Variants in PIGK observed in about 807,000 individuals in gnomAD.
PIGK encodes phosphatidylinositol glycan anchor biosynthesis class K, also known as GPI-anchor transamidase.
In PIGK, 42 loss-of-function variants were observed where a neutral mutation model predicts 50.6. The ratio of observed to expected loss-of-function variants is 0.83; its 90% CI spans 0.65 to 1.07. The LOEUF is 1.07. Among genes scored for constraint, PIGK ranks in the 50% least tolerant of loss-of-function variants. The pLI is 0.00. For synonymous variants in PIGK, 151 were observed against 156.0 expected, an observed-to-expected ratio of 0.97 and a Z score of 0.24; for missense variants, 448 against 488.7, an observed-to-expected ratio of 0.92 and a Z score of 0.78.
chr1:77,104,244 A>C (rs1653615209), intron 10 of PIGK, among the ~76,000 whole-genome samples: 1 of 152,148 alleles, frequency 6.6e-6, no homozygotes, highest in South Asian at 2.1e-4. Flanking sequence ...TACAGCCAGG[A>C]GGAAAAACAA....
chr1:77,097,455 A>G (rs1261481994), intron 10 of PIGK, among the ~76,000 whole-genome samples: 4 of 152,156 alleles, frequency 2.6e-5, no homozygotes, highest in East Asian at 1.9e-4. Flanking sequence ...AGAAATGCAC[A>G]CTACCCAAGA....
chr1:77,187,661 G>A (rs538966746), intron 3 of PIGK, among the ~76,000 whole-genome samples: 1 of 152,244 alleles, frequency 6.6e-6, no homozygotes, highest in Admixed American at 6.5e-5. Flanking sequence ...AGATCCATTA[G>A]GGCATTTCTT....
At chr1:77,097,972 A>T (rs1653458392) in intron 10 of PIGK, among the ~76,000 whole-genome samples, 1 of 152,142 alleles carries the variant, frequency 6.6e-6, no homozygotes, top group South Asian at 2.1e-4. Flanking sequence ...AATATTAAAA[A>T]ATATATATAA....
chr1:77,189,793 A>G (rs1193269622), intron 3 of PIGK, among the ~76,000 whole-genome samples: 1 of 148,396 alleles, frequency 6.7e-6, no homozygotes, highest in Non-Finnish European at 1.5e-5. Flanking sequence ...ACAGATATAC[A>G]TATACGTATA....
Position 77,144,748 on chromosome 1 carries a change from TATAACA to T in PIGK, c.986+9695_986+9700del, listed in dbSNP as rs1654729713. 3.3e-5 allele frequency among the ~76,000 whole-genome samples: 5 copies of T among 152,006 alleles called. No individual in the cohort carries two copies. The South Asian group carries it at 8.3e-4, about 25-fold the overall frequency. ...TGATATGACCAATCCATTTTGAAAC[TATAACA>T]ATAAGAACTTTATCCATATGCAAAA... On this transcript the variant is annotated intron_variant, in intron 9 of 10. Transcript: ENST00000370812.
chr1:77,135,761 C>G (rs1654494090), intron 9 of PIGK, among the ~76,000 whole-genome samples: 1 of 150,476 alleles, frequency 6.6e-6, no homozygotes. Context: ...CTGTCTAAAG[C>G]TATTAAAATT....
intron 3 of PIGK, among the ~76,000 whole-genome samples, chr1:77,184,495 G>C (rs1036259575): frequency 1.3e-5 from 2 of 152,140 alleles, no homozygotes; most frequent in Non-Finnish European, 2.9e-5. Flanking sequence ...CCCTTTACCA[G>C]AGTAACTGTG....
chr1:77,093,801 G>A (rs1234041839), intron 10 of PIGK, among the ~76,000 whole-genome samples: 1 of 152,036 alleles, frequency 6.6e-6, no homozygotes, highest in Non-Finnish European at 1.5e-5. Context: ...CACTCAACAT[G>A]TGTGATGATA....
rs777252125 is a variant in PIGK, at chr1:77,161,701, G to A, written c.595C>T (p.Leu199=). 7.2e-7 allele frequency: 1 copy of A among 1,390,174 alleles called. No individual in the cohort carries two copies. Among genetic ancestry groups the A allele is most frequent in the Non-Finnish European group, 1.0e-6 (1 of 977,444 alleles). The allele number at this position is 1,390,174 out of a possible 1,614,324, so 86.1% of individuals were successfully genotyped here. A position where few individuals can be genotyped will look rare whatever the true frequency, so the allele number is the denominator to read the frequency against. Residue 199 remains leucine, a synonymous_variant, in exon 7 of 11, where the codon CTA becomes TTA. Coordinates refer to ENST00000370812, the MANE Select transcript of PIGK (RefSeq NM_005482.3). ...QMWQKRRYNE[L]LFIIDTCQGA... ...TGGCAAGTATCAATAATAAACAGTA[G>A]CTCATTGTAGCTGAAAGAAAAATGA...
In PIGK at chr1:77,161,576, T is replaced by C. The variant is rs755181039; in HGVS notation, c.702+18A>G. ...ACATTCCAAAGACACAGTTTACAAA[T>C]GGGGAAAATGCACATACCGAGAGTG... On this transcript the variant is annotated intron_variant, in intron 7 of 10. Transcript: ENST00000370812. 8.9e-7 allele frequency: 1 copy of C among 1,123,680 alleles called. No individual in the cohort carries two copies. The highest frequency in any genetic ancestry group is 1.2e-5 in the South Asian group (1 of 81,208). 69.6% of individuals were successfully genotyped at this position (1,123,680 alleles called of 1,614,324 possible). A position where few individuals can be genotyped will look rare whatever the true frequency, so the allele number is the denominator to read the frequency against.
intron 3 of PIGK, among the ~76,000 whole-genome samples, chr1:77,181,085 T>A (rs955473907): frequency 1.3e-5 from 2 of 152,116 alleles, no homozygotes; most frequent in Non-Finnish European, 2.9e-5. Flanking sequence ...ATCATCAATA[T>A]AAAAGTGAAA....
At chr1:77,131,281 A>C (rs909424205) in intron 9 of PIGK, among the ~76,000 whole-genome samples, 1 of 151,768 alleles carries the variant, frequency 6.6e-6, no homozygotes, top group African/African-American at 2.4e-5. Flanking sequence ...TTATCTGGCA[A>C]TCTTACTAAA....
chr1:77,122,307 C>A lies in PIGK; in HGVS notation c.1039G>T (p.Glu347Ter). 1 of 1,605,396 alleles carries A rather than the reference C, an allele frequency of 6.2e-7. No individual in the cohort carries two copies. Among genetic ancestry groups the A allele is most frequent in the Non-Finnish European group, 8.5e-7 (1 of 1,172,508 alleles). Residue 347 changes from glutamate (E) to a stop codon, truncating the protein, a stop_gained, in exon 10 of 11, where the codon GAA becomes TAA. Coordinates refer to ENST00000370812, the MANE Select transcript of PIGK (RefSeq NM_005482.3). LOFTEE classifies it high-confidence loss of function. Reference protein sequence around the residue: ...EKLMEPLKYAEQLPVAQIIHQ... With the variant: ...EKLMEPLKYA The stretch of plus-strand genomic sequence containing the variant: ...ATTATCTGAGCTACAGGAAGTTGTT[C>A]AGCATATTTCAGAGGTTCCATTAGT...
Position 77,102,035 on chromosome 1 carries a change from A to G in PIGK, c.1072-9545T>C, listed in dbSNP as rs144123785. On this transcript the variant is annotated intron_variant, in intron 10 of 10. Transcript: ENST00000370812. ...AAAAAAATTCTTCTAAAATCATGTA[A>G]AAGATAGAATTCCAATGGAGGAGAT... Among the ~76,000 whole-genome samples, 156 of 152,306 alleles carry G rather than the reference A, an allele frequency of 1.0e-3. 2 individuals are homozygous for G. Among genetic ancestry groups the G allele is most frequent in the African/African-American group, 3.5e-3 (147 of 41,560 alleles).
At chr1:77,158,449 A>G (rs973921645) in intron 8 of PIGK, among the ~76,000 whole-genome samples, 2 of 152,164 alleles carry the variant, frequency 1.3e-5, no homozygotes, top group African/African-American at 2.4e-5. Flanking sequence ...GAAAATGTGG[A>G]AGTAACTTTG....
At chr1:77,155,374 T>C (rs1196679647) in intron 8 of PIGK, among the ~76,000 whole-genome samples, 1 of 152,194 alleles carries the variant, frequency 6.6e-6, no homozygotes, top group Admixed American at 6.5e-5. Context: ...ATATATTCAC[T>C]CACTCAGCAA....
At chr1:77,148,652 G>T (rs1234615719) in intron 9 of PIGK, among the ~76,000 whole-genome samples, 1 of 151,794 alleles carries the variant, frequency 6.6e-6, no homozygotes, top group Non-Finnish European at 1.5e-5. Flanking sequence ...ACAGGTTTTG[G>T]TTTGTTTGTT....
At chr1:77,156,865 A>T (rs1021531111) in intron 8 of PIGK, among the ~76,000 whole-genome samples, 1 of 152,232 alleles carries the variant, frequency 6.6e-6, no homozygotes, top group African/African-American at 2.4e-5. Flanking sequence ...GGAGTGTAAG[A>T]TGAATATAAC....
Position 77,161,580 on chromosome 1 carries a change from GA to G in PIGK, c.702+13del. ...TCCAAAGACACAGTTTACAAATGGG[GA>G]AAATGCACATACCGAGAGTGAATCT... On this transcript the variant is annotated intron_variant, in intron 7 of 10. Transcript: ENST00000370812. The G allele has an allele frequency of 8.6e-7, 1 of 1,166,668 alleles. No individual in the cohort carries two copies. The highest frequency in any genetic ancestry group is 1.3e-6 in the Non-Finnish European group (1 of 771,548). 72.3% of individuals were successfully genotyped at this position (1,166,668 alleles called of 1,614,324 possible).
Sources: allele counts gnomAD v4.1 joint callset (sites outside exome capture counted in the v4.1 genomes callset), GRCh38; gene constraint gnomAD v4.1.1; transcripts MANE v1.5; gene names NCBI Gene and HGNC (gene_info 2026-07-23, HGNC 2026-07-21).